Variants in DSG4 observed in about 807,000 individuals in gnomAD.
DSG4 encodes desmoglein 4.
Under a neutral mutation model 93.1 loss-of-function variants are expected in DSG4, and 87 were observed. That is an observed-to-expected ratio of 0.93 (90% CI 0.79 to 1.12). DSG4 has a LOEUF of 1.12. Among genes scored for constraint, DSG4 ranks in the 50% most tolerant of loss-of-function variants. The pLI is 0.00. For missense variants in DSG4, 1,373 were observed against 1,285.7 expected, an observed-to-expected ratio of 1.07 and a Z score of -1.04; for synonymous variants, 432 against 452.9, an observed-to-expected ratio of 0.95 and a Z score of 0.59.
chr18:31,409,234 C>T (rs2072458802), intron 12 of DSG4, among the ~76,000 whole-genome samples: 1 of 152,158 alleles, frequency 6.6e-6, no homozygotes, highest in Non-Finnish European at 1.5e-5. Flanking sequence ...AACTCCTTGC[C>T]ATCTAGCGCT....
chr18:31,399,148 C>A, intron 8 of DSG4, 124 bp from the exon 9 acceptor site: 1 of 1,315,364 alleles, frequency 7.6e-7, no homozygotes. Context: ...TTTTTCAATT[C>A]AAAATCTAAA....
intron 15 of DSG4, among the ~76,000 whole-genome samples, chr18:31,411,651 A>G (rs1200314155): frequency 1.3e-5 from 2 of 152,168 alleles, no homozygotes; most frequent in African/African-American, 4.8e-5. Flanking sequence ...GCCATAGCGC[A>G]TCTTAGTACC....
rs545663686 is a variant in DSG4, at chr18:31,405,272, T to G, written c.1637-805T>G. Among the ~76,000 whole-genome samples, 29 of 152,306 alleles carry G rather than the reference T, an allele frequency of 1.9e-4. 1 individual carries two copies. The South Asian group carries it at 5.8e-3, about 30-fold the overall frequency. On this transcript the variant is annotated intron_variant, in intron 11 of 15. Transcript: ENST00000308128. ...ATGTTTTATGAAAATTCATAGGCAATGATAGCACAAAGAATTAGGAGAATG... is the reference window on the plus strand; with the variant it reads ...ATGTTTTATGAAAATTCATAGGCAAGGATAGCACAAAGAATTAGGAGAATG...
intron 1 of DSG4, among the ~76,000 whole-genome samples, chr18:31,380,621 G>T (rs2072123280): frequency 6.6e-6 from 1 of 152,138 alleles, no homozygotes; most frequent in South Asian, 2.1e-4. Flanking sequence ...GTATAATTAG[G>T]CTTGAACTTG....
At chr18:31,406,000 T>C (rs2072420193) in intron 11 of DSG4, 77 bp from the exon 12 acceptor site, 1 of 1,530,128 alleles carries the variant, frequency 6.5e-7, no homozygotes, top group Non-Finnish European at 9.0e-7. Flanking sequence ...CAATATTTGG[T>C]ATTAGGGAGA....
intron 1 of DSG4, among the ~76,000 whole-genome samples, chr18:31,378,747 T>C (rs1346005351): frequency 6.6e-6 from 1 of 152,178 alleles, no homozygotes; most frequent in Non-Finnish European, 1.5e-5. Flanking sequence ...ATTAATAGTG[T>C]CTGGAATTGG....
chr18:31,391,227 T>G lies in DSG4; in HGVS notation c.819+15T>G. 1 of 1,613,326 alleles carries G rather than the reference T, an allele frequency of 6.2e-7. No homozygotes were observed. Among genetic ancestry groups the G allele is most frequent in the Non-Finnish European group, 8.5e-7 (1 of 1,179,394 alleles). The stretch of plus-strand genomic sequence containing the variant: ...AGAAAACTTCAGTAAGTTTGTATTC[T>G]TATCTTCCTTTTTCCATAAGTGTCA... On this transcript the variant is annotated intron_variant, in intron 7 of 15. Coordinates refer to ENST00000308128, the MANE Select transcript of DSG4 (RefSeq NM_177986.5).
Position 31,409,795 on chromosome 18 carries a change from G to T in DSG4, c.2124G>T (p.Arg708=). ...TGACAGCCTCAAATACCCAGGATCG[G>T]ATGGATTCCTCTGGTCAGTAGACAC... ...APMTASNTQD[R]MDSSEIYTNT... is the part of the protein sequence containing the mutation. Residue 708 remains arginine (R), a synonymous_variant, in exon 14 of 16, where the codon CGG becomes CGT. Coordinates refer to ENST00000308128, the MANE Select transcript of DSG4 (RefSeq NM_177986.5). 1 of 1,614,156 alleles carries T rather than the reference G, an allele frequency of 6.2e-7. No individual in the cohort carries two copies. The highest frequency in any genetic ancestry group is 1.1e-5 in the South Asian group (1 of 91,074).
At position 31,413,385 on chromosome 18, in the gene DSG4, T is replaced by C; in HGVS notation, c.2913T>C (p.Ser971=). 7 of 1,614,144 alleles carry C rather than the reference T, an allele frequency of 4.3e-6. No homozygotes were observed. The highest frequency in any genetic ancestry group is 5.9e-6 in the Non-Finnish European group (7 of 1,180,034). ...NVIYAERVLA[S]PGVPDMSNSS... ...TCTATGCTGAGAGAGTACTGGCTAG[T>C]CCTGGTGTGCCTGACATGAGCAATA... is the stretch of plus-strand genomic sequence containing the variant. The change falls in exon 16 of 16, where the codon AGT becomes AGC. Residue 971 remains serine (S), a synonymous_variant. Coordinates refer to ENST00000308128, the MANE Select transcript of DSG4 (RefSeq NM_177986.5).
At chr18:31,401,585 T>C (rs1218598630) in intron 10 of DSG4, 1 of 152,208 alleles carries the variant, frequency 6.6e-6, no homozygotes, top group East Asian at 1.9e-4. Context: ...TGACTTAACT[T>C]GTAAGCGAGC....
Position 31,400,861 on chromosome 18 carries a change from A to C in DSG4, c.1278-20A>C. 2 of 1,610,778 alleles carry C rather than the reference A, an allele frequency of 1.2e-6. No homozygotes were observed. The highest frequency in any genetic ancestry group is 8.5e-7 in the Non-Finnish European group (1 of 1,178,162). ...AACTTTCATAAAAGCATGATAACGA[A>C]CTTTTTTATTTAAAAACAGATATAT... is the stretch of plus-strand genomic sequence containing the variant. On this transcript the variant is annotated intron_variant, in intron 9 of 15. Coordinates refer to ENST00000308128, the MANE Select transcript of DSG4 (RefSeq NM_177986.5).
intron 12 of DSG4, among the ~76,000 whole-genome samples, chr18:31,407,242 G>A (rs2072438312): frequency 6.6e-6 from 1 of 152,190 alleles, no homozygotes; most frequent in Admixed American, 6.5e-5. Flanking sequence ...CCAGCATGGA[G>A]GCATGTTCAT....
chr18:31,411,388 C>A lies in DSG4; in HGVS notation c.2295C>A (p.Thr765=), dbSNP rs745428685. 1 of 1,613,976 alleles carries A rather than the reference C, an allele frequency of 6.2e-7. No individual in the cohort carries two copies. Among genetic ancestry groups the A allele is most frequent in the South Asian group, 1.1e-5 (1 of 91,068 alleles). The change falls in exon 15 of 16, where the codon ACC becomes ACA. Residue 765 remains threonine (T), a synonymous_variant. Transcript: ENST00000308128. The part of the protein sequence containing the change: ...AARKRSSTMG[T]LRDYADADIN... ...GGAAGAGGAGCTCTACCATGGGAAC[C>A]CTGCGGGACTACGCTGACGCAGACA...
At position 31,399,254 on chromosome 18, in the gene DSG4, T is replaced by C. The variant is rs767929125; in HGVS notation, c.1006-18T>C. 20 of 1,613,620 alleles carry C rather than the reference T, an allele frequency of 1.2e-5. No individual in the cohort carries two copies. Among genetic ancestry groups the C allele is most frequent in the Admixed American group, 1.7e-5 (1 of 59,950 alleles). ...AGTTCTTTGCTGTTTCAGAGTTTTT[T>C]ATTTTCTTTCATTTCAGATGCTGGA... On this transcript the variant is annotated intron_variant, in intron 8 of 15. Transcript: ENST00000308128.
rs2072531866 is a variant in DSG4 at position 31,414,270 on chromosome 18, AAATT to A, written c.*679_*682del. 6.6e-6 allele frequency: 1 copy of A among 152,070 alleles called. No individual in the cohort carries two copies. The highest frequency in any genetic ancestry group is 6.5e-5 in the Admixed American group (1 of 15,272). The allele number at this position is 152,070 out of a possible 1,614,324, so 9.4% of individuals were successfully genotyped here. On this transcript the variant is annotated 3_prime_UTR_variant, in exon 16 of 16. Coordinates refer to ENST00000308128, the MANE Select transcript of DSG4 (RefSeq NM_177986.5). ...TTTATTGATTTATATGATTAACTGTAAATTAATCTAGAATAGCAAAAAAAAATGA... is the reference window on the plus strand; with the variant it reads ...TTTATTGATTTATATGATTAACTGTAAATCTAGAATAGCAAAAAAAAATGA...
chr18:31,394,731 A>G (rs1055492319), intron 8 of DSG4, among the ~76,000 whole-genome samples: 4 of 152,100 alleles, frequency 2.6e-5, no homozygotes, highest in African/African-American at 4.8e-5. Context: ...AATACAATAC[A>G]AAGAGGAATA....
At position 31,388,821 on chromosome 18, in the gene DSG4, G is replaced by A. The variant is rs961222783; in HGVS notation, c.373-53G>A. On this transcript the variant is annotated intron_variant, in intron 4 of 15. Transcript: ENST00000308128. ...TATTTTCTGATATATTTTCAAGCAT[G>A]TTACTAAAATTCCTTTGGTGGAAAA... 2.0e-5 allele frequency: 33 copies of A among 1,612,262 alleles called. 1 individual carries two copies. The South Asian group carries it at 2.4e-4, about 12-fold the overall frequency.
chr18:31,410,865 C>A lies in DSG4; in HGVS notation c.2138-366C>A, dbSNP rs79040431. ...AGGAGGACTATGAGCTCAGTTTCTG[C>A]AATCACGCCGCTGGCCTTGCTTTGG... On this transcript the variant is annotated intron_variant, in intron 14 of 15. Transcript: ENST00000308128. 5.5e-3 allele frequency among the ~76,000 whole-genome samples: 839 copies of A among 152,304 alleles called. 4 individuals carry two copies. The highest frequency in any genetic ancestry group is 8.3e-3 in the Non-Finnish European group (563 of 68,022).
intron 11 of DSG4, 131 bp downstream of exon 11, chr18:31,403,765 G>T: frequency 1.2e-6 from 1 of 823,550 alleles, no homozygotes; most frequent in Non-Finnish European, 2.0e-6. Flanking sequence ...AACATTAAAT[G>T]AAAAAAATAT....
Sources: allele counts gnomAD v4.1 joint callset (sites outside exome capture counted in the v4.1 genomes callset), GRCh38; gene constraint gnomAD v4.1.1; transcripts MANE v1.5; gene names NCBI Gene and HGNC (gene_info 2026-07-23, HGNC 2026-07-21).